Variants in ADAMTS1 observed in about 807,000 individuals in gnomAD.
The protein encoded by ADAMTS1 is A disintegrin and metalloproteinase with thrombospondin motifs 1.
In ADAMTS1, 19 loss-of-function variants were observed where a neutral mutation model predicts 87.9. The observed-to-expected ratio is 0.22, with a 90% CI of 0.15 to 0.32. The LOEUF (loss-of-function observed/expected upper bound fraction) is 0.32, where lower values mean the gene tolerates loss of function less well. Among genes scored for constraint, ADAMTS1 ranks in the 10% least tolerant of loss-of-function variants. The pLI is 1.00. For missense variants in ADAMTS1, 1,240 were observed against 1,259.1 expected, an observed-to-expected ratio of 0.98 and a Z score of 0.23; for synonymous variants, 542 against 501.8, an observed-to-expected ratio of 1.08 and a Z score of -1.07.
rs768912751 is a variant in ADAMTS1 at position 26,844,681 on chromosome 21, C to T, written c.274G>A (p.Asp92Asn). ...DQQLDLELRP[D>N]SSFLAPGFTL... ...AAGCCGGGCGCCAAAAAGCTGCTGT[C>T]GGGCCGCAGCTCCAGATCCAGCTGC... Residue 92 changes from aspartate (D) to asparagine (N), a missense_variant, in exon 1 of 9, where the codon GAC becomes AAC. Physicochemically the swap from Asp to Asn is conservative, Grantham distance 23 (BLOSUM62 1). Coordinates refer to ENST00000284984, the MANE Select transcript of ADAMTS1 (RefSeq NM_006988.5). 7 of 1,594,964 alleles carry T rather than the reference C, an allele frequency of 4.4e-6. No individual in the cohort carries two copies. Among genetic ancestry groups the T allele is most frequent in the African/African-American group, 4.0e-5 (3 of 74,708 alleles).
At position 26,844,959 on chromosome 21, in the gene ADAMTS1, G is replaced by GC; in HGVS notation, c.-6dup. 2 of 1,499,218 alleles carry GC rather than the reference G, an allele frequency of 1.3e-6. No homozygotes were observed. Among genetic ancestry groups the GC allele is most frequent in the South Asian group, 1.3e-5 (1 of 74,358 alleles). 92.9% of individuals were successfully genotyped at this position (1,499,218 alleles called of 1,614,324 possible). ...CTCGGGCACAGCTCGCTGCATTGGA[G>GC]CCCCAGGAGACACCGCTCGTAGCAG... On this transcript the variant is annotated 5_prime_UTR_variant, in exon 1 of 9. Transcript: ENST00000284984.
Position 26,844,336 on chromosome 21 carries a change from G to A in ADAMTS1, c.619C>T (p.Pro207Ser). 1.2e-6 allele frequency: 2 copies of A among 1,605,674 alleles called. No individual in the cohort carries two copies. Among genetic ancestry groups the A allele is most frequent in the Admixed American group, 1.7e-5 (1 of 59,512 alleles). ...TCGVVDDEPR[P>S]TGKAETEDED... ...TCTTCGGTCTCCGCTTTCCCAGTCGGCCGGGGCTCGTCGTCCACGACCCCG... is the reference window on the plus strand; with the variant it reads ...TCTTCGGTCTCCGCTTTCCCAGTCGACCGGGGCTCGTCGTCCACGACCCCG... Residue 207 changes from proline to serine, a missense_variant, in exon 1 of 9, where the codon CCG (proline) becomes TCG (serine). Physicochemically the swap from Pro to Ser is moderately conservative, Grantham distance 74 (BLOSUM62 -1). Coordinates refer to ENST00000284984, the MANE Select transcript of ADAMTS1 (RefSeq NM_006988.5).
chr21:26,837,673 G>T lies in ADAMTS1; in HGVS notation c.2810C>A (p.Ser937Tyr). ...GYKKRSLKCL[S>Y]HDGGVLSHES... ...ATGAGATAACACCCCTCCATCATGG[G>T]ACAGACACTTCAAGCTTCTTTTTTT... The change falls in exon 9 of 9, where the codon TCC becomes TAC. Residue 937 changes from serine to tyrosine, a missense_variant. By Grantham distance (144) the Ser-to-Tyr change is moderately radical. Transcript: ENST00000284984. 2 of 1,614,198 alleles carry T rather than the reference G, an allele frequency of 1.2e-6. No homozygotes were observed. The highest frequency in any genetic ancestry group is 1.7e-6 in the Non-Finnish European group (2 of 1,180,046).
Position 26,840,075 on chromosome 21 carries a change from T to C in ADAMTS1, c.1666-14A>G, listed in dbSNP as rs367743512. 3.7e-6 allele frequency: 6 copies of C among 1,610,138 alleles called. No individual in the cohort carries two copies. The highest frequency in any genetic ancestry group is 4.2e-6 in the Non-Finnish European group (5 of 1,178,664). Reference sequence around the variant, plus strand: ...ATGAAAAGGCGTCTAAATGGAGACATAAATCATCAGCATTAGAATTATCTA... The same window carrying C: ...ATGAAAAGGCGTCTAAATGGAGACACAAATCATCAGCATTAGAATTATCTA... On this transcript the variant is annotated splice_polypyrimidine_tract_variant and intron_variant, in intron 5 of 8. Transcript: ENST00000284984.
At chr21:26,838,969 A>G (rs75976900) in intron 7 of ADAMTS1, 9,719 of 189,934 alleles carry the variant, frequency 0.051, 483 homozygotes, top group African/African-American at 0.14. Context: ...CTTGCTGAAT[A>G]TTGAATCTGC....
At chr21:26,844,162 G>A (rs1193535202) in intron 1 of ADAMTS1, 63 bp downstream of exon 1, 2 of 1,501,864 alleles carry the variant, frequency 1.3e-6, no homozygotes, top group Non-Finnish European at 1.8e-6. Context: ...CTGAAGTCGC[G>A]TGGGATAGAT....
Position 26,837,387 on chromosome 21 carries a change from C to T in ADAMTS1, c.*192G>A. On this transcript the variant is annotated 3_prime_UTR_variant, in exon 9 of 9. Transcript: ENST00000284984. ...AGGTTAATAATCCTCACTAACTATC[C>T]TATCAAATTTGCAACTGGCAGTTTA... 1 of 588,332 alleles carries T rather than the reference C, an allele frequency of 1.7e-6. No individual in the cohort carries two copies. The highest frequency in any genetic ancestry group is 3.0e-6 in the Non-Finnish European group (1 of 331,500). The allele number at this position is 588,332 out of a possible 1,614,324, so 36.4% of individuals were successfully genotyped here.
rs888842384 is a variant in ADAMTS1, at chr21:26,836,088, A to C, written c.*1491T>G. The C allele has an allele frequency of 6.6e-6, 1 of 152,250 alleles. No individual in the cohort carries two copies. The highest frequency in any genetic ancestry group is 1.5e-5 in the Non-Finnish European group (1 of 68,034). 9.4% of individuals were successfully genotyped at this position (152,250 alleles called of 1,614,324 possible). A position where few individuals can be genotyped will look rare whatever the true frequency, so the allele number is the denominator to read the frequency against. ...CATCATAAATTTCTTTCTTTTTAGC[A>C]ATCATGTATACCAAGGATATAAGAA... On this transcript the variant is annotated 3_prime_UTR_variant, in exon 9 of 9. Coordinates refer to ENST00000284984, the MANE Select transcript of ADAMTS1 (RefSeq NM_006988.5).
Position 26,840,315 on chromosome 21 carries a change from G to A in ADAMTS1, c.1626C>T (p.Asn542=), listed in dbSNP as rs146032381. 4.1e-5 allele frequency: 66 copies of A among 1,614,022 alleles called. 1 individual carries two copies. The East Asian group carries it at 5.1e-4, about 13-fold the overall frequency. The change falls in exon 5 of 9, where the codon AAC becomes AAT. Residue 542 remains asparagine (N), a synonymous_variant. Transcript: ENST00000284984. ...TSCGEGKWCI[N]GKCVNKTDRK... ...TGTCGGTTTTGTTCACACACTTGCCGTTGATACACCATTTCCCTTCTCCAC... is the reference window on the plus strand; with the variant it reads ...TGTCGGTTTTGTTCACACACTTGCCATTGATACACCATTTCCCTTCTCCAC...
At chr21:26,840,713 T>A (rs1341712895) in intron 4 of ADAMTS1, 151 bp from the exon 5 acceptor site, 10 of 919,852 alleles carry the variant, frequency 1.1e-5, no homozygotes, top group African/African-American at 1.7e-5. Context: ...CTGAAGAGAT[T>A]TAGATTACTA....
At position 26,840,631 on chromosome 21, in the gene ADAMTS1, A is replaced by T. The variant is rs1398225445; in HGVS notation, c.1379-69T>A. 8 of 1,511,562 alleles carry T rather than the reference A, an allele frequency of 5.3e-6. No individual in the cohort carries two copies. The Middle Eastern group carries it at 1.3e-3, about 241-fold the overall frequency. The allele number at this position is 1,511,562 out of a possible 1,614,324, so 93.6% of individuals were successfully genotyped here. On this transcript the variant is annotated intron_variant, in intron 4 of 8. Transcript: ENST00000284984. ...GGCATGAAGGGGTAGATCCCATTTC[A>T]GAAAATATTTATCATATGAGAAAAT... is the stretch of plus-strand genomic sequence containing the variant.
Position 26,844,888 on chromosome 21 carries a change from G to A in ADAMTS1, c.67C>T (p.Arg23Trp), listed in dbSNP as rs201167243. 5 of 1,533,880 alleles carry A rather than the reference G, an allele frequency of 3.3e-6. No individual in the cohort carries two copies. In the Admixed American group the frequency reaches 5.8e-5, roughly 18 times the overall value. Reference sequence around the variant, plus strand: ...CCAAAGCTCCGAGACCCCGGAGCCCGCTCCGCGTTCCCCATGTCGCTGCCC... The same window carrying A: ...CCAAAGCTCCGAGACCCCGGAGCCCACTCCGCGTTCCCCATGTCGCTGCCC... ...KLGSDMGNAE[R>W]APGSRSFGPV... The change falls in exon 1 of 9, where the codon CGG becomes TGG. Residue 23 changes from arginine to tryptophan, a missense_variant. Coordinates refer to ENST00000284984, the MANE Select transcript of ADAMTS1 (RefSeq NM_006988.5).
intron 5 of ADAMTS1, 76 bp from the exon 6 acceptor site, chr21:26,840,137 G>C: frequency 6.4e-7 from 1 of 1,551,464 alleles, no homozygotes; most frequent in Non-Finnish European, 8.7e-7. Flanking sequence ...AGCCACATGG[G>C]ACAAAGAATC....
intron 1 of ADAMTS1, chr21:26,843,587 T>C: frequency 2.2e-6 from 1 of 464,330 alleles, no homozygotes; most frequent in South Asian, 1.6e-5. Context: ...CGAGAGGGAG[T>C]GCAAACTGGG....
In ADAMTS1 at chr21:26,836,573, C is replaced by G. The variant is rs567433767; in HGVS notation, c.*1006G>C. On this transcript the variant is annotated 3_prime_UTR_variant, in exon 9 of 9. Coordinates refer to ENST00000284984, the MANE Select transcript of ADAMTS1 (RefSeq NM_006988.5). ...AGCTGAACAGACATTCACCAGGATA[C>G]GACTGTTGGACCAGCTGCTGGAGAT... The G allele has an allele frequency of 1.3e-5, 2 of 152,546 alleles. No homozygotes were observed. The highest frequency in any genetic ancestry group is 6.5e-5 in the Admixed American group (1 of 15,270). The allele number at this position is 152,546 out of a possible 1,614,324, so 9.4% of individuals were successfully genotyped here. A position where few individuals can be genotyped will look rare whatever the true frequency, so the allele number is the denominator to read the frequency against.
Position 26,837,390 on chromosome 21 carries a change from T to C in ADAMTS1, c.*189A>G. ...TTAATAATCCTCACTAACTATCCTA[T>C]CAAATTTGCAACTGGCAGTTTACTC... On this transcript the variant is annotated 3_prime_UTR_variant, in exon 9 of 9. Transcript: ENST00000284984. 1.7e-6 allele frequency: 1 copy of C among 591,016 alleles called. No homozygotes were observed. Among genetic ancestry groups the C allele is most frequent in the Non-Finnish European group, 3.0e-6 (1 of 333,472 alleles). 36.6% of individuals were successfully genotyped at this position (591,016 alleles called of 1,614,324 possible).
chr21:26,838,688 T>C (rs1298557327), intron 7 of ADAMTS1, 74 bp from the exon 8 acceptor site: 5 of 1,450,020 alleles, frequency 3.4e-6, no homozygotes, highest in Non-Finnish European at 3.8e-6. Flanking sequence ...GTGTAAACAT[T>C]TTCTCTCTAC....
chr21:26,845,267 G>C lies in ADAMTS1; in HGVS notation c.-313C>G, dbSNP rs1985599787. 6.7e-6 allele frequency: 2 copies of C among 299,400 alleles called. No individual in the cohort carries two copies. Among genetic ancestry groups the C allele is most frequent in the Non-Finnish European group, 1.2e-5 (2 of 163,124 alleles). 18.5% of individuals were successfully genotyped at this position (299,400 alleles called of 1,614,324 possible). ...GGCGCCTCCGGGGCTGAGGCAACGC[G>C]GAGATTGGTGCCTGGCGCCCCTCTT... On this transcript the variant is annotated 5_prime_UTR_variant, in exon 1 of 9. Coordinates refer to ENST00000284984, the MANE Select transcript of ADAMTS1 (RefSeq NM_006988.5).
In ADAMTS1 at chr21:26,842,610, G is replaced by A. The variant is rs746552453; in HGVS notation, c.806C>T (p.Ser269Leu). 1.4e-5 allele frequency: 22 copies of A among 1,613,844 alleles called. No individual in the cohort carries two copies. The South Asian group carries it at 1.8e-4, about 13-fold the overall frequency. ...YVETMLVADQ[S>L]MAEFHGSGLK... ...ACCACTGCCGTGGAATTCTGCCATCGACTGGTCTGCCACAAGCATGGTTTC... is the reference window on the plus strand; with the variant it reads ...ACCACTGCCGTGGAATTCTGCCATCAACTGGTCTGCCACAAGCATGGTTTC... The change falls in exon 2 of 9, where the codon TCG becomes TTG. Residue 269 changes from serine (S) to leucine (L), a missense_variant. Ser to Leu is a moderately radical substitution (Grantham distance 145). Transcript: ENST00000284984.
Sources: gnomAD v4.1 joint callset for allele counts on GRCh38, gnomAD v4.1.1 for gene constraint, MANE v1.5 for transcripts, NCBI Gene and HGNC (gene_info 2026-07-23, HGNC 2026-07-21) for gene names.